FCER2: variants seen among roughly 807,000 people sequenced by gnomAD.
The protein encoded by FCER2 is low affinity immunoglobulin epsilon Fc receptor.
A neutral mutation model predicts 49.7 loss-of-function variants in FCER2; 38 were observed. The ratio of observed to expected loss-of-function variants is 0.76; its 90% confidence interval spans 0.59 to 1.00. The LOEUF is 1.00. Among genes scored for constraint, FCER2 ranks in the 50% least tolerant of loss-of-function variants. The pLI is 0.00. For synonymous variants in FCER2, 163 were observed against 164.6 expected, an observed-to-expected ratio of 0.99 and a Z score of 0.07; for missense variants, 425 against 419.5, an observed-to-expected ratio of 1.01 and a Z score of -0.11.
rs1439867767 is a variant in FCER2 at position 7,697,265 on chromosome 19, CG to C, written c.286del (p.Arg96GlufsTer7). ...TQISQELEEL[R>X]AEQQRLKSQD... is the part of the protein sequence containing the mutation. ...AGATTTCAATCTCTGCTGTTCAGCT[CG>C]AAGTTCCTCCAGTTCCTGTGAAATC... is the stretch of plus-strand genomic sequence containing the variant. On this transcript the variant is annotated frameshift_variant, in exon 6 of 11. Coordinates refer to ENST00000597921, the MANE Select transcript of FCER2 (RefSeq NM_001220500.2). LOFTEE classifies it high-confidence loss of function. 2 of 1,614,064 alleles carry C rather than the reference CG, an allele frequency of 1.2e-6. No homozygotes were observed. Among genetic ancestry groups the C allele is most frequent in the Admixed American group, 3.3e-5 (2 of 60,002 alleles).
chr19:7,694,465 G>A (rs1002721146), intron 8 of FCER2, among the ~76,000 whole-genome samples: 5 of 152,208 alleles, frequency 3.3e-5, no homozygotes, highest in African/African-American at 1.2e-4. Flanking sequence ...TGTCTTGGTT[G>A]TTTGTTACAT....
chr19:7,689,073 T>G lies in FCER2; in HGVS notation c.*120A>C. 3 of 691,664 alleles carry G rather than the reference T, an allele frequency of 4.3e-6. No homozygotes were observed. The highest frequency in any genetic ancestry group is 5.3e-5 in the East Asian group (2 of 37,630). The allele number at this position is 691,664 out of a possible 1,614,324, so 42.8% of individuals were successfully genotyped here. A position where few individuals can be genotyped will look rare whatever the true frequency, so the allele number is the denominator to read the frequency against. ...AGGGGCCATAGAGGAGCGGGAGATG[T>G]GTCAGCTGCCTCCGTTTGGGTGGCA... On this transcript the variant is annotated 3_prime_UTR_variant, in exon 11 of 11. Coordinates refer to ENST00000597921, the MANE Select transcript of FCER2 (RefSeq NM_001220500.2).
intron 8 of FCER2, among the ~76,000 whole-genome samples, chr19:7,695,911 C>T (rs2032997220): frequency 6.7e-6 from 1 of 148,154 alleles, no homozygotes; most frequent in Admixed American, 6.8e-5. Flanking sequence ...AGTAAGACTC[C>T]ATCTCTCTCT....
chr19:7,699,253 C>T lies in FCER2; in HGVS notation c.23-399G>A, dbSNP rs925103337. 14 of 516,356 alleles carry T rather than the reference C, an allele frequency of 2.7e-5. No individual in the cohort carries two copies. The East Asian group carries it at 5.0e-4, about 18-fold the overall frequency. The allele number at this position is 516,356 out of a possible 1,614,324, so 32.0% of individuals were successfully genotyped here. A position where few individuals can be genotyped will look rare whatever the true frequency, so the allele number is the denominator to read the frequency against. On this transcript the variant is annotated intron_variant, in intron 2 of 10. Coordinates refer to ENST00000597921, the MANE Select transcript of FCER2 (RefSeq NM_001220500.2). ...CTGAGTCCCAGTTCTTCCCCAACAT[C>T]GGAGCCACTCCCCAGCCACTTTCCC...
At chr19:7,699,983 T>A in intron 1 of FCER2, 138 bp from the exon 2 acceptor site, 1 of 599,136 alleles carries the variant, frequency 1.7e-6, no homozygotes. Flanking sequence ...ACTAGCGTGG[T>A]TAGCAGGGAG....
At chr19:7,699,391 T>C (rs1030134612) in intron 2 of FCER2, 12 of 1,370,920 alleles carry the variant, frequency 8.8e-6, no homozygotes, top group Admixed American at 4.4e-5. Context: ...GCTTGGAGGA[T>C]TCATTATGCT....
intron 8 of FCER2, among the ~76,000 whole-genome samples, chr19:7,696,274 A>G (rs995562643): frequency 1.3e-5 from 2 of 152,024 alleles, no homozygotes; most frequent in Non-Finnish European, 2.9e-5. Flanking sequence ...TAATTTTTGT[A>G]GTTTTAGTAG....
chr19:7,693,642 T>TTTTTG lies in FCER2; in HGVS notation c.470-3090_470-3086dup, dbSNP rs368393689. 8.1e-3 allele frequency among the ~76,000 whole-genome samples: 1,228 copies of TTTTTG among 151,996 alleles called. 14 individuals carry two copies. Among genetic ancestry groups the TTTTTG allele is most frequent in the African/African-American group, 0.02 (819 of 41,462 alleles). On this transcript the variant is annotated intron_variant, in intron 8 of 10. Coordinates refer to ENST00000597921, the MANE Select transcript of FCER2 (RefSeq NM_001220500.2). Reference sequence around the variant, plus strand: ...GGTTCCACTACACGTGGTCAGATGTTTTTTGTTTTGTTTTGTTTTGTTTTG... The same window carrying TTTTTG: ...GGTTCCACTACACGTGGTCAGATGTTTTTTGTTTTGTTTTGTTTTGTTTTGTTTTG...
At chr19:7,693,075 A>G (rs1258326087) in intron 8 of FCER2, among the ~76,000 whole-genome samples, 1 of 151,914 alleles carries the variant, frequency 6.6e-6, no homozygotes, top group African/African-American at 2.4e-5. Flanking sequence ...TCCACCACCC[A>G]CACCACAGCC....
At chr19:7,696,673 C>G (rs1019405029) in intron 8 of FCER2, 152 bp downstream of exon 8, 7 of 636,600 alleles carry the variant, frequency 1.1e-5, no homozygotes, top group Non-Finnish European at 1.9e-5. Flanking sequence ...CCACCCTGCG[C>G]TTATATCTTT....
At chr19:7,694,535 G>A (rs898010345) in intron 8 of FCER2, among the ~76,000 whole-genome samples, 4 of 152,124 alleles carry the variant, frequency 2.6e-5, no homozygotes, top group African/African-American at 4.8e-5. Flanking sequence ...GCTGGATTTC[G>A]GGGAGACTTC....
Position 7,690,267 on chromosome 19 carries a change from T to C in FCER2, c.622-2A>G. ...GCTGGCATGCTTGGTCAGGAAGTCC[T>C]GGGGGACAGGACAGGGCTGGAGGAC... is the stretch of plus-strand genomic sequence containing the variant. On this transcript the variant is annotated splice_acceptor_variant, in intron 9 of 10. Coordinates refer to ENST00000597921, the MANE Select transcript of FCER2 (RefSeq NM_001220500.2). LOFTEE classifies it high-confidence loss of function. 1.9e-6 allele frequency: 3 copies of C among 1,612,974 alleles called. No homozygotes were observed. The highest frequency in any genetic ancestry group is 1.1e-5 in the South Asian group (1 of 91,064).
chr19:7,698,889 G>C, intron 2 of FCER2, 35 bp from the exon 3 acceptor site: 1 of 1,550,550 alleles, frequency 6.4e-7, no homozygotes, highest in Non-Finnish European at 8.7e-7. Context: ...ATGGGTGCAG[G>C]GTGAAGCTGG....
chr19:7,690,328 G>A (rs72558010), intron 9 of FCER2, 63 bp from the exon 10 acceptor site: 7 of 1,606,762 alleles, frequency 4.4e-6, no homozygotes, highest in African/African-American at 4.1e-5. Context: ...AGCCCACTTC[G>A]AGAGGTTGGG....
chr19:7,698,896 C>T (rs376204616), intron 2 of FCER2, 42 bp from the exon 3 acceptor site: 28 of 1,544,562 alleles, frequency 1.8e-5, no homozygotes, highest in Non-Finnish European at 2.4e-5. Flanking sequence ...CAGGGTGAAG[C>T]TGGATGCTGG....
intron 1 of FCER2, chr19:7,700,116 A>G: frequency 3.6e-6 from 1 of 279,278 alleles, no homozygotes; most frequent in Non-Finnish European, 6.8e-6. Flanking sequence ...ATTAACCTGG[A>G]AACTTCTTTC....
At chr19:7,697,712 A>G in intron 4 of FCER2, 123 bp from the exon 5 acceptor site, 1 of 754,026 alleles carries the variant, frequency 1.3e-6, no homozygotes, top group East Asian at 2.6e-5. Flanking sequence ...CTGTTTGTTC[A>G]TTTACTGGAG....
intron 2 of FCER2, 40 bp downstream of exon 2, chr19:7,699,699 C>T (rs1310102839): frequency 6.3e-7 from 1 of 1,599,798 alleles, no homozygotes; most frequent in Non-Finnish European, 8.6e-7. Context: ...AGCTAAGGGT[C>T]ATTGCTTCTG....
At chr19:7,689,530 C>T (rs2146265317) in intron 10 of FCER2, 100 bp from the exon 11 acceptor site, 1 of 725,670 alleles carries the variant, frequency 1.4e-6, no homozygotes, top group Non-Finnish European at 2.2e-6. Context: ...CCCCAGGTTC[C>T]CCATCCTGAG....
Sources: gnomAD v4.1 joint callset for allele counts (sites outside exome capture counted in the v4.1 genomes callset) on GRCh38, gnomAD v4.1.1 for gene constraint, MANE v1.5 for transcripts, NCBI Gene and HGNC (gene_info 2026-07-23, HGNC 2026-07-21) for gene names.